ZKSCAN7: variants seen among roughly 807,000 people sequenced by gnomAD.
ZKSCAN7 encodes zinc finger protein with KRAB and SCAN domains 7.
Under a neutral mutation model 65.3 loss-of-function variants are expected in ZKSCAN7, and 38 were observed. The ratio of observed to expected loss-of-function variants is 0.58; its 90% CI spans 0.45 to 0.76. The LOEUF (loss-of-function observed/expected upper bound fraction) is 0.76, where lower values mean the gene tolerates loss of function less well. Among genes scored for constraint, ZKSCAN7 ranks in the 30% least tolerant of loss-of-function variants. ZKSCAN7 has a pLI of 0.00. For synonymous variants in ZKSCAN7, 321 were observed against 321.0 expected (o/e 1.00, Z 0.00); for missense variants, 815 against 913.3 (o/e 0.89, Z 1.39).
chr3:44,562,789 T>G (rs1266968724), intron 2 of ZKSCAN7, among the ~76,000 whole-genome samples: 1 of 151,976 alleles, frequency 6.6e-6, no homozygotes, highest in Non-Finnish European at 1.5e-5. Context: ...GAGACCACGG[T>G]GAAACCCCAT....
intron 5 of ZKSCAN7, chr3:44,578,402 G>A (rs1048017874): frequency 1.6e-4 from 259 of 1,613,966 alleles, no homozygotes; most frequent in Non-Finnish European, 2.0e-4. Context: ...AGTCAGCAGC[G>A]TCCGCAACCG....
intron 5 of ZKSCAN7, chr3:44,578,153 C>A: frequency 6.6e-7 from 1 of 1,520,262 alleles, no homozygotes; most frequent in Admixed American, 1.7e-5. Context: ...GCTCTTTCAA[C>A]CTGCTGATGT....
intron 5 of ZKSCAN7, 111 bp downstream of exon 5, chr3:44,568,544 C>T (rs1365570996): frequency 1.3e-6 from 2 of 1,482,908 alleles, no homozygotes; most frequent in Non-Finnish European, 1.8e-6. Context: ...CATAGTTAAA[C>T]TAGAGTGAAT....
At chr3:44,568,577 TC>T in intron 5 of ZKSCAN7, 144 bp downstream of exon 5, 1 of 1,201,524 alleles carries the variant, frequency 8.3e-7, no homozygotes, top group Non-Finnish European at 1.1e-6. Flanking sequence ...CTTTCTGCAT[TC>T]ATCACTGAGA....
At chr3:44,575,495 T>G (rs1023931358), downstream of ZKSCAN7, among the ~76,000 whole-genome samples, 1 of 152,230 alleles carries the variant, frequency 6.6e-6, no homozygotes, top group Non-Finnish European at 1.5e-5. Flanking sequence ...TTATTAGGAA[T>G]AGTTGCTAAG....
chr3:44,573,835 T>C (rs937352999), downstream of ZKSCAN7, among the ~76,000 whole-genome samples: 1 of 152,148 alleles, frequency 6.6e-6, no homozygotes, highest in African/African-American at 2.4e-5. Flanking sequence ...ACCTGCACTA[T>C]TCATAACTAA....
intron 5 of ZKSCAN7, chr3:44,581,131 A>G (rs1266355064): frequency 6.1e-6 from 6 of 978,502 alleles, no homozygotes; most frequent in East Asian, 1.1e-4. Context: ...GCCCTGCCAC[A>G]GGCCCTGACC....
chr3:44,564,103 A>G (rs1160533931), intron 2 of ZKSCAN7, among the ~76,000 whole-genome samples: 2 of 152,256 alleles, frequency 1.3e-5, no homozygotes, highest in East Asian at 1.9e-4. Context: ...TACCAGAGCA[A>G]GTGAACTTTA....
chr3:44,570,926 C>A lies in ZKSCAN7; in HGVS notation c.1816C>A (p.Pro606Thr). The A allele has an allele frequency of 6.2e-7, 1 of 1,614,048 alleles. No individual in the cohort carries two copies. The highest frequency in any genetic ancestry group is 8.5e-7 in the Non-Finnish European group (1 of 1,179,984). The change falls in exon 6 of 6, where the codon CCT (proline) becomes ACT (threonine). Residue 606 changes from proline to threonine, a missense_variant. Physicochemically the swap from Pro to Thr is conservative, Grantham distance 38. Transcript: ENST00000426540. ...EHERIHTGEK[P>T]FECSECGKAF... ...TGAGCGAATTCATACTGGAGAAAAA[C>A]CTTTTGAATGTAGCGAGTGTGGTAA...
chr3:44,557,887 C>T (rs1036494284), intron 2 of ZKSCAN7, among the ~76,000 whole-genome samples: 2 of 152,122 alleles, frequency 1.3e-5, no homozygotes, highest in Non-Finnish European at 2.9e-5. Context: ...TCTTTGATTC[C>T]CTGAAAGGTG....
intron 5 of ZKSCAN7, chr3:44,580,270 C>T: frequency 6.2e-7 from 1 of 1,613,896 alleles, no homozygotes. Context: ...CGGCCACAGT[C>T]CATGCGGTCG....
Position 44,578,368 on chromosome 3 carries a change from A to G in ZKSCAN7, c.812-4604A>G. 3.1e-6 allele frequency: 5 copies of G among 1,610,444 alleles called. No homozygotes were observed. In the Admixed American group the frequency reaches 8.3e-5, roughly 27 times the overall value. ...CCTTGCCCTGTGCAAGGGGTGACCC[A>G]GTGGCCTCCCCACCGCCGTCCCCAG... On this transcript the variant is annotated intron_variant, in intron 5 of 5. Coordinates refer to the ZKSCAN7 transcript ENST00000341840.
chr3:44,580,765 C>A, intron 5 of ZKSCAN7: 2 of 1,613,608 alleles, frequency 1.2e-6, no homozygotes, highest in Non-Finnish European at 1.7e-6. Context: ...GTGGGCATCT[C>A]ATCCAGGGCG....
chr3:44,570,766 G>A lies in ZKSCAN7; in HGVS notation c.1656G>A (p.Glu552=). 6.2e-7 allele frequency: 1 copy of A among 1,614,090 alleles called. No individual in the cohort carries two copies. Among genetic ancestry groups the A allele is most frequent in the Non-Finnish European group, 8.5e-7 (1 of 1,180,008 alleles). The part of the protein sequence containing the change: ...QRIHTGEKPY[E]CSECGKAFSR... Reference sequence around the variant, plus strand: ...TCCACACTGGGGAGAAGCCTTATGAGTGTAGTGAATGTGGCAAAGCCTTCA... The same window carrying A: ...TCCACACTGGGGAGAAGCCTTATGAATGTAGTGAATGTGGCAAAGCCTTCA... The change falls in exon 6 of 6, where the codon GAG becomes GAA. Residue 552 remains glutamate, a synonymous_variant. Transcript: ENST00000426540.
At chr3:44,580,023 T>C in intron 5 of ZKSCAN7, 2 of 1,581,366 alleles carry the variant, frequency 1.3e-6, no homozygotes, top group South Asian at 2.2e-5. Context: ...GAACGCCCTT[T>C]TCTCGCTGCG....
At chr3:44,582,251 C>A (rs1232048475) in intron 5 of ZKSCAN7, among the ~76,000 whole-genome samples, 2 of 152,128 alleles carry the variant, frequency 1.3e-5, no homozygotes, top group Non-Finnish European at 2.9e-5. Context: ...GTCACTTTAC[C>A]CAGGTGGATG....
chr3:44,556,734 T>G (rs990994027), intron 1 of ZKSCAN7, among the ~76,000 whole-genome samples, 196 bp from the exon 2 acceptor site: 23 of 152,170 alleles, frequency 1.5e-4, no homozygotes, highest in African/African-American at 5.5e-4. Flanking sequence ...ATGCAAGGCA[T>G]AGACATTTAG....
chr3:44,578,542 G>A lies in ZKSCAN7; in HGVS notation c.812-4430G>A, dbSNP rs552133026. ...CCTGGGCCAGATGGGCATTCTCCAG[G>A]CACTTCTGCGAGTACTGCTCCGAGA... On this transcript the variant is annotated intron_variant, in intron 5 of 5. Transcript: ENST00000341840. 2.1e-3 allele frequency among the ~76,000 whole-genome samples: 325 copies of A among 152,338 alleles called. 3 individuals carry two copies. The highest frequency in any genetic ancestry group is 2.9e-3 in the Non-Finnish European group (200 of 68,026).
intron 1 of ZKSCAN7, 109 bp from the exon 2 acceptor site, chr3:44,556,821 C>G: frequency 1.6e-6 from 1 of 612,376 alleles, no homozygotes; most frequent in Non-Finnish European, 2.9e-6. Flanking sequence ...CTAAGAATGC[C>G]TGGTTGTGTT....
Sources: gnomAD v4.1 joint callset for allele counts (sites outside exome capture counted in the v4.1 genomes callset) on GRCh38, gnomAD v4.1.1 for gene constraint, MANE v1.5 for transcripts, NCBI Gene and HGNC (gene_info 2026-07-23, HGNC 2026-07-21) for gene names.